Variants in SHROOM4 observed in about 807,000 individuals in gnomAD.
SHROOM4 encodes shroom family member 4, also known as protein Shroom4.
In SHROOM4, 17 loss-of-function variants were observed where a neutral mutation model predicts 80.3. The observed-to-expected ratio is 0.21, with a 90% CI of 0.14 to 0.32. The LOEUF is 0.32. SHROOM4 is among the 10% of genes least tolerant of loss of function. The probability of loss-of-function intolerance (pLI) is 1.00; values close to 1 mark genes in which losing one functional copy is unlikely to be tolerated. For synonymous variants in SHROOM4, 400 were observed against 437.5 expected (o/e 0.91, Z 1.07); for missense variants, 993 against 1,140.3 (o/e 0.87, Z 1.86).
At position 50,594,720 on chromosome X, in the gene SHROOM4, A is replaced by C. The variant is rs1158577410; in HGVS notation, c.*1975T>G. On this transcript the variant is annotated 3_prime_UTR_variant, in exon 9 of 9. Transcript: ENST00000376020. ...AGATGACAACTATGGCCTCCATTGA[A>C]AGCACTCCCCTACCTTCTCAATCTT... 1.8e-5 allele frequency: 2 copies of C among 111,755 alleles called. No individual in the cohort carries two copies. The highest frequency in any genetic ancestry group is 3.8e-5 in the Non-Finnish European group (2 of 53,161). The allele number at this position is 111,755 out of a possible 1,213,427, so 9.2% of individuals were successfully genotyped here.
intron 5 of SHROOM4, among the ~76,000 whole-genome samples, chrX:50,612,396 A>C (rs1930038089): frequency 8.9e-6 from 1 of 112,109 alleles, no homozygotes; most frequent in Admixed American, 9.5e-5. Flanking sequence ...AAAAAAAAGT[A>C]TAAATTTGAC....
chrX:50,663,945 T>C (rs1212173517), intron 2 of SHROOM4, among the ~76,000 whole-genome samples: 9 of 112,129 alleles, frequency 8.0e-5, no homozygotes, highest in African/African-American at 2.3e-4. Flanking sequence ...CTCAAAAATA[T>C]TTGTTAAATC....
intron 2 of SHROOM4, among the ~76,000 whole-genome samples, chrX:50,642,460 T>C (rs1384414643): frequency 9.0e-6 from 1 of 111,518 alleles, no homozygotes; most frequent in Non-Finnish European, 1.9e-5. Flanking sequence ...TTATTATTGT[T>C]ATTATTATTA....
At chrX:50,754,039 C>G in intron 1 of SHROOM4, among the ~76,000 whole-genome samples, 1 of 112,114 alleles carries the variant, frequency 8.9e-6, no homozygotes, top group East Asian at 2.8e-4. Flanking sequence ...GTACCTGGCA[C>G]TTAGTAAAAA....
chrX:50,611,152 T>C (rs868915945), intron 5 of SHROOM4, among the ~76,000 whole-genome samples: 3 of 87,833 alleles, frequency 3.4e-5, no homozygotes, highest in Non-Finnish European at 4.5e-5. Context: ...TTCTTTTTTT[T>C]TTTTTTTTTT....
intron 1 of SHROOM4, among the ~76,000 whole-genome samples, chrX:50,762,162 T>G (rs782274444): frequency 5.1e-4 from 57 of 111,242 alleles, no homozygotes; most frequent in Non-Finnish European, 7.5e-5. Context: ...AATAATCTTA[T>G]GCTGTTTGAA....
rs34184946 is a variant in SHROOM4, at chrX:50,812,317, T to TAAA, written c.117+1582_117+1584dup. 7.3e-4 allele frequency among the ~76,000 whole-genome samples: 49 copies of TAAA among 66,765 alleles called. 1 individual carries two copies. The highest frequency in any genetic ancestry group is 1.3e-3 in the Admixed American group (7 of 5,203). The allele number at this position is 66,765 out of a possible 115,157, so 58.0% of individuals were successfully genotyped here. ...CACCAAAGGAGTTGAGTGTTTTTGT[T>TAAA]AAAAAAAAAAAAAAAAAAAAAAAGC... On this transcript the variant is annotated intron_variant, in intron 1 of 8. Transcript: ENST00000376020.
chrX:50,627,348 G>C (rs1199287046), intron 5 of SHROOM4, among the ~76,000 whole-genome samples: 1 of 111,472 alleles, frequency 9.0e-6, no homozygotes, highest in African/African-American at 3.3e-5. Context: ...TATGACCAAG[G>C]TATGGTGTCC....
At chrX:50,669,020 A>G (rs1932762471) in intron 2 of SHROOM4, among the ~76,000 whole-genome samples, 1 of 112,526 alleles carries the variant, frequency 8.9e-6, no homozygotes, top group African/African-American at 3.2e-5. Context: ...CCTAAAAACA[A>G]TGTACAAACC....
Position 50,790,126 on chromosome X carries a change from A to G in SHROOM4, c.117+23776T>C, listed in dbSNP as rs782206182. On this transcript the variant is annotated intron_variant, in intron 1 of 8. Transcript: ENST00000376020. ...TACAATCTTATGGGACCACTGTCAC[A>G]TAAGTGGTCTGTCATTGATTGAAAC... Among the ~76,000 whole-genome samples the G allele has an allele frequency of 2.7e-5, 3 of 112,116 alleles. No homozygotes were observed. In the South Asian group the frequency reaches 1.1e-3, roughly 42 times the overall value.
chrX:50,776,242 T>A (rs1184221242), intron 1 of SHROOM4, among the ~76,000 whole-genome samples: 2 of 112,002 alleles, frequency 1.8e-5, no homozygotes, highest in Non-Finnish European at 3.8e-5. Flanking sequence ...ATTGGCTTTC[T>A]AGGCTTTGTT....
chrX:50,686,784 C>T (rs1933083576), intron 2 of SHROOM4, among the ~76,000 whole-genome samples: 1 of 111,483 alleles, frequency 9.0e-6, no homozygotes, highest in Non-Finnish European at 1.9e-5. Context: ...CAGAGTCAAA[C>T]ACAACAGATT....
At chrX:50,649,865 C>G (rs181044245) in intron 2 of SHROOM4, 1 of 111,948 alleles carries the variant, frequency 8.9e-6, no homozygotes, top group East Asian at 2.8e-4. Context: ...TCCTTTGATC[C>G]AGTTTTTCCA....
chrX:50,814,119 C>G lies in SHROOM4; in HGVS notation c.-101G>C. Reference sequence around the variant, plus strand: ...ACCATCGCCCTCCAGCTCTACGCCACCCCGCACCGCCCTGCTCCGCCTACT... The same window carrying G: ...ACCATCGCCCTCCAGCTCTACGCCAGCCCGCACCGCCCTGCTCCGCCTACT... On this transcript the variant is annotated 5_prime_UTR_variant, in exon 1 of 9. Transcript: ENST00000376020. 7.2e-6 allele frequency: 4 copies of G among 558,931 alleles called. No individual in the cohort carries two copies. The South Asian group carries it at 1.0e-4, about 14-fold the overall frequency. 46.1% of individuals were successfully genotyped at this position (558,931 alleles called of 1,213,427 possible).
chrX:50,629,517 T>C (rs1401940147), intron 4 of SHROOM4, among the ~76,000 whole-genome samples: 3 of 111,942 alleles, frequency 2.7e-5, no homozygotes, highest in Non-Finnish European at 3.8e-5. Context: ...ACTTGATACA[T>C]GTAAAGCATC....
At chrX:50,801,520 T>A (rs368204041) in intron 1 of SHROOM4, among the ~76,000 whole-genome samples, 35 of 111,745 alleles carry the variant, frequency 3.1e-4, no homozygotes, top group East Asian at 3.1e-3. Context: ...GAGAGGGATG[T>A]AACCTGAACC....
At chrX:50,769,800 T>TAAC (rs1557269570) in intron 1 of SHROOM4, among the ~76,000 whole-genome samples, 12 of 110,951 alleles carry the variant, frequency 1.1e-4, no homozygotes, top group Non-Finnish European at 7.5e-5. Flanking sequence ...AATGCAAAAA[T>TAAC]AACAACGTAC....
At chrX:50,775,310 C>T (rs1331823445) in intron 1 of SHROOM4, among the ~76,000 whole-genome samples, 2 of 111,789 alleles carry the variant, frequency 1.8e-5, no homozygotes, top group Non-Finnish European at 3.8e-5. Context: ...GCTCTTTCCA[C>T]TACAGCTCAT....
In SHROOM4 at chrX:50,590,742, A is replaced by G. The variant is rs1428294116; in HGVS notation, c.*5953T>C. Reference sequence around the variant, plus strand: ...GGTAGTATGTTATAGCAACCCAAGCATACTAAAACACATATTTTCTTTGAA... The same window carrying G: ...GGTAGTATGTTATAGCAACCCAAGCGTACTAAAACACATATTTTCTTTGAA... On this transcript the variant is annotated 3_prime_UTR_variant, in exon 9 of 9. Coordinates refer to ENST00000376020, the MANE Select transcript of SHROOM4 (RefSeq NM_020717.5). Among the ~76,000 whole-genome samples, 5 of 112,491 alleles carry G rather than the reference A, an allele frequency of 4.4e-5. No homozygotes were observed. Among genetic ancestry groups the G allele is most frequent in the Non-Finnish European group, 7.5e-5 (4 of 53,306 alleles).
Sources: gnomAD v4.1 joint callset for allele counts (sites outside exome capture counted in the v4.1 genomes callset) on GRCh38, gnomAD v4.1.1 for gene constraint, MANE v1.5 for transcripts, NCBI Gene and HGNC (gene_info 2026-07-23, HGNC 2026-07-21) for gene names.